Variants in LPXN observed in about 807,000 individuals in gnomAD.
LPXN encodes the protein leupaxin.
LPXN carries 28 observed loss-of-function variants against 45.6 expected under a neutral mutation model. The ratio of observed to expected loss-of-function variants is 0.61; its 90% CI spans 0.45 to 0.84. The LOEUF is 0.84. Ranked by LOEUF, LPXN falls within the 40% of genes least tolerant of loss-of-function variation. LPXN has a pLI of 0.00. For synonymous variants in LPXN, 166 were observed against 169.9 expected, an observed-to-expected ratio of 0.98 and a Z score of 0.18; for missense variants, 459 against 475.0, an observed-to-expected ratio of 0.97 and a Z score of 0.31.
Position 58,575,653 on chromosome 11 carries a change from A to G in LPXN, c.13+107T>C, listed in dbSNP as rs1020864128. ...AGGACAGGAAAGAAGTGAAAATAAA[A>G]TCTTCCATTACTACCCTCAGTCTAG... On this transcript the variant is annotated intron_variant, in intron 1 of 8. Coordinates refer to ENST00000395074, the MANE Select transcript of LPXN (RefSeq NM_004811.3). 4 of 1,243,494 alleles carry G rather than the reference A, an allele frequency of 3.2e-6. No homozygotes were observed. The African/African-American group carries it at 4.4e-5, about 14-fold the overall frequency. 77.0% of individuals were successfully genotyped at this position (1,243,494 alleles called of 1,614,324 possible).
At chr11:58,559,185 T>C (rs1854298990) in intron 3 of LPXN, among the ~76,000 whole-genome samples, 1 of 152,084 alleles carries the variant, frequency 6.6e-6, no homozygotes, top group South Asian at 2.1e-4. Flanking sequence ...AGAGGGATAA[T>C]ATGCAGTGTT....
At chr11:58,553,284 C>T (rs191515164) in intron 4 of LPXN, among the ~76,000 whole-genome samples, 4 of 142,406 alleles carry the variant, frequency 2.8e-5, no homozygotes, top group East Asian at 2.1e-4. Flanking sequence ...TGCAGTGAGC[C>T]GAGATCATGC....
In LPXN at chr11:58,528,208, A is replaced by G. The variant is rs113381222; in HGVS notation, c.743-17T>C. 6.2e-6 allele frequency: 10 copies of G among 1,611,046 alleles called. 1 individual carries two copies. In the African/African-American group the frequency reaches 6.7e-5, roughly 11 times the overall value. On this transcript the variant is annotated splice_polypyrimidine_tract_variant and intron_variant, in intron 7 of 8. Transcript: ENST00000395074. ...CATGAAAGCCTGGAGAGATAAAATC[A>G]GGAATTCACTGTTGCAGGTTGAGCC... is the stretch of plus-strand genomic sequence containing the variant.
chr11:58,575,965 A>C (rs1025933017), upstream of LPXN: 25 of 1,416,518 alleles, frequency 1.8e-5, no homozygotes, highest in African/African-American at 2.9e-5. Context: ...CATAGGTTAC[A>C]CAGTTTTAAA....
At chr11:58,532,814 G>A (rs1450537121) in intron 7 of LPXN, among the ~76,000 whole-genome samples, 1 of 152,216 alleles carries the variant, frequency 6.6e-6, no homozygotes, top group Non-Finnish European at 1.5e-5. Context: ...ACCCACTTGG[G>A]TCCCCTTCCA....
chr11:58,539,170 C>A (rs1056018392), intron 7 of LPXN, among the ~76,000 whole-genome samples: 1 of 151,996 alleles, frequency 6.6e-6, no homozygotes, highest in African/African-American at 2.4e-5. Context: ...ATTAGCCAGA[C>A]CTGGTGGTAC....
Position 58,527,363 on chromosome 11 carries a change from CA to C in LPXN, c.*90del. ...TTCCTTTTTCTATAAGACTATTAAG[CA>C]GAAGGTCAGTAACAGAAAATTTACC... is the stretch of plus-strand genomic sequence containing the variant. On this transcript the variant is annotated 3_prime_UTR_variant, in exon 9 of 9. Coordinates refer to ENST00000395074, the MANE Select transcript of LPXN (RefSeq NM_004811.3). 7.4e-7 allele frequency: 1 copy of C among 1,343,776 alleles called. No individual in the cohort carries two copies. The highest frequency in any genetic ancestry group is 1.3e-5 in the South Asian group (1 of 76,990). 83.2% of individuals were successfully genotyped at this position (1,343,776 alleles called of 1,614,324 possible).
intron 2 of LPXN, among the ~76,000 whole-genome samples, chr11:58,568,720 C>T (rs1296870972): frequency 6.6e-6 from 1 of 151,990 alleles, no homozygotes; most frequent in African/African-American, 2.4e-5. Flanking sequence ...AATGCAAATA[C>T]TGATAAGAAA....
At chr11:58,571,620 G>A (rs1854702536) in intron 1 of LPXN, among the ~76,000 whole-genome samples, 1 of 150,138 alleles carries the variant, frequency 6.7e-6, no homozygotes, top group African/African-American at 2.4e-5. Context: ...GTAAGATGTT[G>A]CAATTTAAAT....
At chr11:58,569,409 G>C (rs1854616113) in intron 2 of LPXN, among the ~76,000 whole-genome samples, 1 of 151,554 alleles carries the variant, frequency 6.6e-6, no homozygotes, top group Non-Finnish European at 1.5e-5. Flanking sequence ...TGTTTTTTGA[G>C]ACAAGCTCTC....
intron 1 of LPXN, among the ~76,000 whole-genome samples, chr11:58,573,879 G>C (rs931623954): frequency 1.8e-4 from 27 of 152,184 alleles, no homozygotes; most frequent in African/African-American, 6.5e-4. Context: ...TTCGGAGGCA[G>C]AATCTGCTCC....
chr11:58,551,493 T>C (rs943090993), intron 4 of LPXN, among the ~76,000 whole-genome samples: 2 of 152,224 alleles, frequency 1.3e-5, no homozygotes, highest in African/African-American at 4.8e-5. Context: ...ATTTAGTACA[T>C]GAAGATGATA....
intron 2 of LPXN, among the ~76,000 whole-genome samples, chr11:58,569,633 C>T (rs1434961430): frequency 2.0e-5 from 3 of 152,058 alleles, no homozygotes. Context: ...CAAGTGATCC[C>T]CCCGCCTCAG....
intron 3 of LPXN, among the ~76,000 whole-genome samples, chr11:58,562,738 C>A (rs1263448670): frequency 6.6e-6 from 1 of 152,174 alleles, no homozygotes; most frequent in African/African-American, 2.4e-5. Context: ...CCACAGCAGA[C>A]CTGTTGTGCT....
intron 7 of LPXN, among the ~76,000 whole-genome samples, chr11:58,535,320 G>A (rs1356605952): frequency 2.6e-5 from 4 of 152,048 alleles, no homozygotes; most frequent in East Asian, 3.9e-4. Flanking sequence ...AAGCTTATCC[G>A]CCACGATCAA....
upstream of LPXN, chr11:58,578,131 G>T (rs977436136): frequency 6.7e-7 from 1 of 1,498,844 alleles, no homozygotes; most frequent in East Asian, 2.6e-5. Flanking sequence ...CCCCGAGAAA[G>T]GTACGCCAAC....
In LPXN at chr11:58,567,024, A is replaced by G. The variant is rs186585022; in HGVS notation, c.172-2823T>C. Among the ~76,000 whole-genome samples, 959 of 150,852 alleles carry G rather than the reference A, an allele frequency of 6.4e-3. 4 individuals are homozygous for G. Among genetic ancestry groups the G allele is most frequent in the Middle Eastern group, 0.017 (5 of 290 alleles). The stretch of plus-strand genomic sequence containing the variant: ...TCTGTGTGTGTGTGTGTGTGTGTGT[A>G]TATATATATTTATAATTTATACATT... On this transcript the variant is annotated intron_variant, in intron 2 of 8. Coordinates refer to ENST00000395074, the MANE Select transcript of LPXN (RefSeq NM_004811.3).
At chr11:58,549,565 GT>G (rs1853976706) in intron 7 of LPXN, among the ~76,000 whole-genome samples, 1 of 152,132 alleles carries the variant, frequency 6.6e-6, no homozygotes, top group Admixed American at 6.5e-5. Context: ...TAATATTTGA[GT>G]TTTTAAACTA....
At chr11:58,574,908 T>C (rs2134367014) in intron 1 of LPXN, among the ~76,000 whole-genome samples, 1 of 152,326 alleles carries the variant, frequency 6.6e-6, no homozygotes, top group Non-Finnish European at 1.5e-5. Context: ...ACTTTTGACA[T>C]ACCCTATCCC....
Sources: gnomAD v4.1 joint callset for allele counts (sites outside exome capture counted in the v4.1 genomes callset) on GRCh38, gnomAD v4.1.1 for gene constraint, MANE v1.5 for transcripts, NCBI Gene and HGNC (gene_info 2026-07-23, HGNC 2026-07-21) for gene names.